Variants in QTGAL observed in about 807,000 individuals in gnomAD.
QTGAL encodes queuosine-tRNA galactosyltransferase.
the QTGAL span, among the ~76,000 whole-genome samples, chr17:82,969,533 T>C: frequency 6.6e-6 from 1 of 151,948 alleles, no homozygotes; most frequent in Admixed American, 6.5e-5. Flanking sequence ...AAGCCCAGCG[T>C]GGTGGTGCAC....
the QTGAL span, chr17:82,947,276 GACTAACA>G: frequency 3.9e-5 from 17 of 433,508 alleles, no homozygotes; most frequent in Non-Finnish European, 7.0e-5. Context: ...AATGGAATGA[GACTAACA>G]GGCAATGCCT....
the QTGAL span, chr17:82,948,285 C>G: frequency 6.6e-6 from 1 of 152,238 alleles, no homozygotes; most frequent in Non-Finnish European, 1.5e-5. Context: ...GTGAGGGAGC[C>G]GAGCAGCTGG....
the QTGAL span, among the ~76,000 whole-genome samples, chr17:83,042,331 C>T: frequency 4.6e-5 from 7 of 152,222 alleles, no homozygotes; most frequent in East Asian, 7.7e-4. Flanking sequence ...CACGCCACTG[C>T]GCTCCAGCCT....
the QTGAL span, among the ~76,000 whole-genome samples, chr17:82,964,495 C>G: frequency 6.6e-6 from 1 of 152,120 alleles, no homozygotes; most frequent in Non-Finnish European, 1.5e-5. Context: ...AAAACGGACG[C>G]CTACAGGTGC....
At chr17:83,002,887 TCCGCGTGTGGGATTCCTGAGCCC>T in the QTGAL span, among the ~76,000 whole-genome samples, 1 of 58,338 alleles carries the variant, frequency 1.7e-5, no homozygotes, top group African/African-American at 8.5e-5. Flanking sequence ...GAGCCCGCCC[TCCGCGTGTGGGATTCCTGAGCCC>T]GCCCTCCCGC....
the QTGAL span, among the ~76,000 whole-genome samples, chr17:83,020,521 C>G: frequency 1.2e-4 from 18 of 152,352 alleles, no homozygotes; most frequent in Non-Finnish European, 1.9e-4. Context: ...GCCACAAGGA[C>G]CAAAGACCGA....
chr17:83,014,441 G>A, the QTGAL span: 2 of 1,613,530 alleles, frequency 1.2e-6, no homozygotes, highest in South Asian at 1.1e-5. Flanking sequence ...ACACTAAGGA[G>A]GCCAGTACTT....
the QTGAL span, among the ~76,000 whole-genome samples, chr17:83,044,241 C>T: frequency 6.6e-6 from 1 of 152,182 alleles, no homozygotes; most frequent in South Asian, 2.1e-4. Context: ...TCTTCAACAA[C>T]ATACTAGCAA....
chr17:83,005,886 C>T, the QTGAL span: 1 of 1,375,364 alleles, frequency 7.3e-7, no homozygotes, highest in Non-Finnish European at 9.4e-7. The surrounding 1 kb of genome is among the most constrained non-coding windows in gnomAD (Gnocchi z 5.6). Flanking sequence ...AGCCTGACCT[C>T]TGCCCCGGAG....
At chr17:82,992,343 G>A in the QTGAL span, among the ~76,000 whole-genome samples, 4 of 152,188 alleles carry the variant, frequency 2.6e-5, no homozygotes, top group Non-Finnish European at 2.9e-5. Flanking sequence ...GCTGCAATAT[G>A]TCTGGCAGCA....
the QTGAL span, among the ~76,000 whole-genome samples, chr17:82,996,054 T>C: frequency 1.3e-5 from 2 of 151,954 alleles, no homozygotes; most frequent in African/African-American, 4.8e-5. Context: ...AAGATCTCTA[T>C]GATGAAAACT....
the QTGAL span, among the ~76,000 whole-genome samples, chr17:82,989,613 T>C: frequency 6.6e-6 from 1 of 152,194 alleles, no homozygotes; most frequent in African/African-American, 2.4e-5. Flanking sequence ...CATCTTTTCA[T>C]TTACTAAGGA....
chr17:82,942,411 G>T, the QTGAL span: 1 of 1,613,814 alleles, frequency 6.2e-7, no homozygotes, highest in East Asian at 2.2e-5. Flanking sequence ...GTGTGTGTTG[G>T]AGCTGACCAG....
At chr17:83,016,564 CAGG>C in the QTGAL span, among the ~76,000 whole-genome samples, 1 of 120,284 alleles carries the variant, frequency 8.3e-6, no homozygotes, top group African/African-American at 3.2e-5. Context: ...GGGAAGAGAA[CAGG>C]AGGTTGGAGA....
At chr17:83,025,165 C>G in the QTGAL span, among the ~76,000 whole-genome samples, 2 of 99,674 alleles carry the variant, frequency 2.0e-5, no homozygotes, top group East Asian at 3.0e-4. Flanking sequence ...ACAGACACCG[C>G]GGAGTCCACA....
At chr17:82,985,391 T>C in the QTGAL span, among the ~76,000 whole-genome samples, 1 of 152,206 alleles carries the variant, frequency 6.6e-6, no homozygotes, top group Non-Finnish European at 1.5e-5. Flanking sequence ...GAGAAATGGT[T>C]TAAATGAGAT....
the QTGAL span, among the ~76,000 whole-genome samples, chr17:83,049,929 G>A: frequency 6.6e-6 from 1 of 152,074 alleles, no homozygotes; most frequent in Non-Finnish European, 1.5e-5. Context: ...TAAGTGATAC[G>A]GAGCGATACT....
At chr17:83,021,083 T>A in the QTGAL span, among the ~76,000 whole-genome samples, 1 of 152,360 alleles carries the variant, frequency 6.6e-6, no homozygotes, top group Admixed American at 6.5e-5. Context: ...TGATACTTTA[T>A]GGACATCTGT....
the QTGAL span, chr17:82,957,029 C>G: frequency 8.7e-7 from 1 of 1,152,290 alleles, no homozygotes; most frequent in South Asian, 1.4e-5. Context: ...GCGGGGTTCT[C>G]CCCCCAAGAA....
Sources: allele counts gnomAD v4.1 joint callset (sites outside exome capture counted in the v4.1 genomes callset), GRCh38; gene constraint gnomAD v4.1.1; non-coding constraint Gnocchi (gnomAD v3.1); transcripts MANE v1.5; gene names NCBI Gene and HGNC (gene_info 2026-07-23, HGNC 2026-07-21).